SEMA4D: variants seen among roughly 807,000 people sequenced by gnomAD.
SEMA4D encodes semaphorin 4D.
SEMA4D carries 22 observed loss-of-function variants against 74.8 expected under a neutral mutation model. That is an observed-to-expected ratio of 0.29 (90% CI 0.21 to 0.42). The LOEUF (loss-of-function observed/expected upper bound fraction) is 0.42, where lower values mean the gene tolerates loss of function less well. SEMA4D is among the 10% of genes least tolerant of loss of function. The pLI, the probability that SEMA4D is intolerant of heterozygous loss-of-function variation, is 1.00. For synonymous variants in SEMA4D, 445 were observed against 463.7 expected (o/e 0.96, Z 0.52); for missense variants, 937 against 1,118.4 (o/e 0.84, Z 2.31).
chr9:89,449,552 A>G, intron 2 of SEMA4D: 1 of 781,726 alleles, frequency 1.3e-6, no homozygotes, highest in Non-Finnish European at 2.3e-6. Flanking sequence ...TGGTGGTGGC[A>G]GGAAGATGTC....
At chr9:89,462,195 A>C (rs1564878864) in intron 1 of SEMA4D, among the ~76,000 whole-genome samples, 1 of 152,224 alleles carries the variant, frequency 6.6e-6, no homozygotes. Flanking sequence ...ACACCCAGAA[A>C]GAAATGCCAG....
rs369298310 is a variant in SEMA4D at position 89,370,681 on chromosome 9, T to C, written c.1882+6152A>G. On this transcript the variant is annotated intron_variant, in intron 16 of 18. Coordinates refer to the SEMA4D transcript ENST00000339861. ...ATACGTCATGCTCATGTGTGGTGTG[T>C]GTGTCTGGTGTGTGGTATGTGGCTA... Among the ~76,000 whole-genome samples, 17 of 150,184 alleles carry C rather than the reference T, an allele frequency of 1.1e-4. No homozygotes were observed. The East Asian group carries it at 3.0e-3, about 26-fold the overall frequency.
intron 6 of SEMA4D, among the ~76,000 whole-genome samples, chr9:89,393,907 C>T (rs777142862): frequency 3.3e-5 from 5 of 152,224 alleles, no homozygotes; most frequent in Admixed American, 2.0e-4. Context: ...CTCAGACCCT[C>T]AATTTACTCA....
downstream of SEMA4D, among the ~76,000 whole-genome samples, chr9:89,372,385 GGTGTGTCGGGGGTGTGT>G (rs1302198048): frequency 1.4e-5 from 2 of 138,094 alleles, no homozygotes; most frequent in Non-Finnish European, 3.2e-5. Flanking sequence ...TCTGGGGTGT[GGTGTGTCGGGGGTGTGT>G]GTGTGTCTGG....
rs71281350 is a variant in SEMA4D, at chr9:89,461,700, C to CTCTCTCTTTTTTTTTTTTTTTTTTTTT, written c.-309-5748_-309-5747insAAAAAAAAAAAAAAAAAAAAAGAGAGA. 6.8e-5 allele frequency among the ~76,000 whole-genome samples: 7 copies of CTCTCTCTTTTTTTTTTTTTTTTTTTTT among 103,660 alleles called. No individual in the cohort carries two copies. In the South Asian group the frequency reaches 1.5e-3, roughly 22 times the overall value. The allele number at this position is 103,660 out of a possible 152,430, so 68.0% of individuals were successfully genotyped here. The stretch of plus-strand genomic sequence containing the variant: ...GGGCCAATGTGTATTTCTTTTTTCT[C>CTCTCTCTTTTTTTTTTTTTTTTTTTTT]TTTTTTTTTTTTTTTTTTTGGAGAC... On this transcript the variant is annotated intron_variant, in intron 1 of 15. Transcript: ENST00000422704.
intron 18 of SEMA4D, among the ~76,000 whole-genome samples, chr9:89,363,003 CT>C (rs1435500718): frequency 1.3e-5 from 2 of 152,210 alleles, no homozygotes; most frequent in Non-Finnish European, 2.9e-5. Flanking sequence ...GCCACTCCCC[CT>C]GACCCCTCCA....
intron 2 of SEMA4D, among the ~76,000 whole-genome samples, chr9:89,429,803 A>T (rs1323305570): frequency 1.3e-5 from 2 of 151,984 alleles, no homozygotes; most frequent in Non-Finnish European, 2.9e-5. Context: ...TGCTAGCTTT[A>T]AAAAGCAGCA....
intron 1 of SEMA4D, among the ~76,000 whole-genome samples, chr9:89,456,841 T>G (rs12337269): frequency 0.03 from 4,641 of 152,274 alleles, 245 homozygotes; most frequent in African/African-American, 0.11. Context: ...CTGCCCGCCT[T>G]GGCCCTAAGT....
At chr9:89,369,674 C>T (rs1262066370) in intron 16 of SEMA4D, among the ~76,000 whole-genome samples, 1 of 152,244 alleles carries the variant, frequency 6.6e-6, no homozygotes, top group Admixed American at 6.5e-5. Flanking sequence ...TTTTTTCACC[C>T]ATCTGTATTC....
At chr9:89,405,216 T>C (rs1843085940) in intron 3 of SEMA4D, 135 bp downstream of exon 3, 1 of 723,430 alleles carries the variant, frequency 1.4e-6, no homozygotes, top group African/African-American at 1.8e-5. Context: ...GGAGTCCCTG[T>C]CCCGTTCCCA....
At chr9:89,497,845 G>A (rs1240309196) in intron 1 of SEMA4D, 74 bp downstream of exon 1, 1 of 151,346 alleles carries the variant, frequency 6.6e-6, no homozygotes, top group Non-Finnish European at 1.5e-5. Flanking sequence ...GGGCTCCGCG[G>A]AGGGTCCAGG....
Position 89,378,695 on chromosome 9 carries a change from C to T in SEMA4D, c.*9G>A. On this transcript the variant is annotated 3_prime_UTR_variant, in exon 16 of 16. Coordinates refer to ENST00000422704, the MANE Select transcript of SEMA4D (RefSeq NM_001371194.2). ...CAGCCGAGGCACCAGCGGGGATGCA[C>T]AGCCGGCCTCAGTCTCCATCTGCGT... 6.2e-7 allele frequency: 1 copy of T among 1,609,332 alleles called. No individual in the cohort carries two copies. Among genetic ancestry groups the T allele is most frequent in the Non-Finnish European group, 8.5e-7 (1 of 1,175,918 alleles).
chr9:89,415,011 G>C (rs376784555), intron 2 of SEMA4D, among the ~76,000 whole-genome samples: 1 of 152,356 alleles, frequency 6.6e-6, no homozygotes, highest in South Asian at 2.1e-4. Flanking sequence ...ATGTCGGCAG[G>C]ACAAGCGCTA....
chr9:89,371,568 GGGTGTGTGTCTGGGGTGT>G (rs1434208334), intron 16 of SEMA4D, among the ~76,000 whole-genome samples: 1 of 65,588 alleles, frequency 1.5e-5, no homozygotes, highest in Non-Finnish European at 3.1e-5. Flanking sequence ...GTGTGGGGGG[GGGTGTGTGTCTGGGGTGT>G]GGTGTGTGTC....
intron 1 of SEMA4D, among the ~76,000 whole-genome samples, chr9:89,470,456 C>T (rs1186387718): frequency 6.6e-6 from 1 of 152,132 alleles, no homozygotes; most frequent in East Asian, 1.9e-4. Context: ...ATTAGAATGG[C>T]TTAAGAAAAA....
chr9:89,426,087 G>C (rs1166011495), intron 2 of SEMA4D, among the ~76,000 whole-genome samples: 1 of 152,212 alleles, frequency 6.6e-6, no homozygotes, highest in African/African-American at 2.4e-5. Context: ...CCAAGTGTCC[G>C]CAGGGGGAGC....
At chr9:89,442,428 G>A (rs1020437109) in intron 2 of SEMA4D, among the ~76,000 whole-genome samples, 4 of 152,160 alleles carry the variant, frequency 2.6e-5, no homozygotes, top group African/African-American at 7.2e-5. Context: ...TAGTTAAAAT[G>A]CAGTGGAATA....
intron 1 of SEMA4D, among the ~76,000 whole-genome samples, chr9:89,497,189 C>CA (rs1204087236): frequency 6.6e-6 from 1 of 152,208 alleles, no homozygotes; most frequent in African/African-American, 2.4e-5. Context: ...TTTTTACTGG[C>CA]ATAACCCCAG....
chr9:89,388,523 A>G, intron 11 of SEMA4D, 113 bp downstream of exon 11: 2 of 1,294,610 alleles, frequency 1.5e-6, no homozygotes, highest in Non-Finnish European at 2.1e-6. Flanking sequence ...CAATGCAGAG[A>G]GCCTTGGCGT....
Sources: allele counts gnomAD v4.1 joint callset (sites outside exome capture counted in the v4.1 genomes callset), GRCh38; gene constraint gnomAD v4.1.1; transcripts MANE v1.5; gene names NCBI Gene and HGNC (gene_info 2026-07-23, HGNC 2026-07-21).